Variants in TENM3 observed in about 807,000 individuals in gnomAD.
TENM3 encodes the protein teneurin transmembrane protein 3.
A neutral mutation model predicts 255.1 loss-of-function variants in TENM3; 63 were observed. The observed-to-expected ratio is 0.25, with a 90% CI of 0.20 to 0.30. TENM3 has a LOEUF of 0.30. Among genes scored for constraint, TENM3 ranks in the 10% least tolerant of loss-of-function variants. The pLI, the probability that TENM3 is intolerant of heterozygous loss-of-function variation, is 1.00. For missense variants in TENM3, 2,929 were observed against 3,461.1 expected (o/e 0.85, Z 3.86); for synonymous variants, 1,306 against 1,322.3 (o/e 0.99, Z 0.27).
At chr4:182,180,347 T>C (rs949596191) in intron 1 of TENM3, among the ~76,000 whole-genome samples, 22 of 152,328 alleles carry the variant, frequency 1.4e-4, no homozygotes, top group African/African-American at 4.8e-4. Flanking sequence ...CTCTGTGTTT[T>C]TCCCCTAGTT....
the TENM3 span, among the ~76,000 whole-genome samples, chr4:182,104,503 CTTTTTTTT>C: frequency 1.5e-5 from 1 of 66,138 alleles, no homozygotes. Flanking sequence ...ACTGTTGACT[CTTTTTTTT>C]TTTTTTTTTT....
chr4:182,263,384 G>C (rs754293218), intron 1 of TENM3, among the ~76,000 whole-genome samples: 1 of 152,054 alleles, frequency 6.6e-6, no homozygotes, highest in Non-Finnish European at 1.5e-5. Flanking sequence ...CCTTGGGTTA[G>C]AGGCCCAACT....
chr4:181,873,181 C>A, the TENM3 span, among the ~76,000 whole-genome samples: 1 of 152,096 alleles, frequency 6.6e-6, no homozygotes, highest in African/African-American at 2.4e-5. Flanking sequence ...GATTCTCCTG[C>A]CTCAGCCTCC....
intron 1 of TENM3, among the ~76,000 whole-genome samples, chr4:182,196,784 C>A (rs561685844): frequency 1.3e-5 from 2 of 152,246 alleles, no homozygotes; most frequent in East Asian, 3.9e-4. Flanking sequence ...AGGAACATAC[C>A]CTGATGTTTT....
intron 3 of TENM3, among the ~76,000 whole-genome samples, chr4:182,544,425 G>A (rs1237652125): frequency 6.8e-6 from 1 of 147,684 alleles, no homozygotes; most frequent in African/African-American, 2.5e-5. Flanking sequence ...CTGCCTCCCG[G>A]GTTCAAGCGA....
chr4:182,698,230 C>T (rs1757578875), intron 12 of TENM3: 2 of 152,094 alleles, frequency 1.3e-5, no homozygotes, highest in African/African-American at 4.8e-5. Flanking sequence ...CATAGTTTAG[C>T]CTTAAATACT....
chr4:182,405,028 C>T (rs1310514770), intron 3 of TENM3, among the ~76,000 whole-genome samples: 1 of 152,088 alleles, frequency 6.6e-6, no homozygotes, highest in Non-Finnish European at 1.5e-5. Flanking sequence ...TATTGTATTG[C>T]GGGACTCCTT....
chr4:182,132,240 G>A, the TENM3 span, among the ~76,000 whole-genome samples: 1 of 152,172 alleles, frequency 6.6e-6, no homozygotes, highest in Non-Finnish European at 1.5e-5. Flanking sequence ...AGCACTTTGG[G>A]AGGCTGAGGC....
chr4:182,482,712 G>T (rs1734317483), intron 3 of TENM3, among the ~76,000 whole-genome samples: 1 of 152,154 alleles, frequency 6.6e-6, no homozygotes, highest in Non-Finnish European at 1.5e-5. Context: ...TGCATTATTT[G>T]AGATGTATGC....
At chr4:181,927,072 C>T in the TENM3 span, among the ~76,000 whole-genome samples, 1 of 152,192 alleles carries the variant, frequency 6.6e-6, no homozygotes, top group African/African-American at 2.4e-5. Context: ...GTTTCAATCA[C>T]AAAACCAGGC....
the TENM3 span, among the ~76,000 whole-genome samples, chr4:182,081,454 C>T: frequency 1.2e-4 from 18 of 151,818 alleles, no homozygotes; most frequent in East Asian, 2.7e-3. Context: ...CGTGGTGGCA[C>T]GTGCCTGTAG....
At chr4:181,933,895 T>C in the TENM3 span, among the ~76,000 whole-genome samples, 1 of 152,204 alleles carries the variant, frequency 6.6e-6, no homozygotes, top group African/African-American at 2.4e-5. Flanking sequence ...GTGAGAAATG[T>C]GAAATTAAGG....
At chr4:181,456,125 A>ATGTG in the TENM3 span, among the ~76,000 whole-genome samples, 238 of 62,320 alleles carry the variant, frequency 3.8e-3, 1 homozygote, top group African/African-American at 0.011. Flanking sequence ...ATATATATAT[A>ATGTG]TATGTGTGTG....
At chr4:182,435,256 T>C (rs1333141246) in intron 3 of TENM3, among the ~76,000 whole-genome samples, 3 of 152,192 alleles carry the variant, frequency 2.0e-5, no homozygotes, top group Non-Finnish European at 4.4e-5. Context: ...AGAGCTATTT[T>C]CCTTCAACTG....
chr4:182,547,150 C>T lies in TENM3; in HGVS notation c.512-53774C>T, dbSNP rs115327094. On this transcript the variant is annotated intron_variant, in intron 3 of 27. Transcript: ENST00000511685. ...AGCAGAACAGAGAATTACGGTAAAA[C>T]AGAGGCATGGTACAAGCGTTTGTGT... 4.7e-4 allele frequency among the ~76,000 whole-genome samples: 71 copies of T among 152,196 alleles called. 2 individuals are homozygous for T. Among genetic ancestry groups the T allele is most frequent in the African/African-American group, 1.7e-3 (71 of 41,500 alleles).
intron 1 of TENM3, among the ~76,000 whole-genome samples, chr4:182,205,462 G>T (rs1206846204): frequency 6.6e-6 from 1 of 152,182 alleles, no homozygotes; most frequent in Admixed American, 6.5e-5. Flanking sequence ...ACTGGCCTCA[G>T]GGCCTTGGAG....
chr4:181,462,931 T>C, the TENM3 span, among the ~76,000 whole-genome samples: 1 of 152,228 alleles, frequency 6.6e-6, no homozygotes, highest in Non-Finnish European at 1.5e-5. Flanking sequence ...TACTAGTGCA[T>C]CACCTGTATT....
At chr4:182,703,265 A>T (rs559932564) in intron 12 of TENM3, among the ~76,000 whole-genome samples, 1 of 152,378 alleles carries the variant, frequency 6.6e-6, no homozygotes, top group Admixed American at 6.5e-5. Flanking sequence ...TATCCAGGAA[A>T]TGTTAAATGA....
intron 3 of TENM3, among the ~76,000 whole-genome samples, chr4:182,556,385 T>G (rs995309700): frequency 1.3e-5 from 2 of 152,204 alleles, no homozygotes; most frequent in African/African-American, 4.8e-5. Flanking sequence ...TAACTTGCAG[T>G]GGAGTAAACA....
Sources: allele counts gnomAD v4.1 joint callset (sites outside exome capture counted in the v4.1 genomes callset), GRCh38; gene constraint gnomAD v4.1.1; transcripts MANE v1.5; gene names NCBI Gene and HGNC (gene_info 2026-07-23, HGNC 2026-07-21).